TUSC3: variants seen among roughly 807,000 people sequenced by gnomAD.
TUSC3 encodes dolichyl-diphosphooligosaccharide--protein glycosyltransferase subunit TUSC3.
TUSC3 carries 45 observed loss-of-function variants against 44.8 expected under a neutral mutation model. The observed-to-expected ratio is 1.00, with a 90% CI of 0.79 to 1.29. The LOEUF (loss-of-function observed/expected upper bound fraction) is 1.29. Ranked by LOEUF, TUSC3 falls within the 50% of genes most tolerant of loss-of-function variation. The pLI, the probability that TUSC3 is intolerant of heterozygous loss-of-function variation, is 0.00. For synonymous variants in TUSC3, 212 were observed against 152.9 expected, an observed-to-expected ratio of 1.39 and a Z score of -2.85; for missense variants, 519 against 437.9, an observed-to-expected ratio of 1.19 and a Z score of -1.65.
the TUSC3 span, among the ~76,000 whole-genome samples, chr8:15,840,323 A>G: frequency 6.6e-6 from 1 of 152,140 alleles, no homozygotes. Context: ...ACATGTATAC[A>G]TATGTAACAA....
intron 7 of TUSC3, among the ~76,000 whole-genome samples, chr8:15,739,164 C>T (rs533806286): frequency 1.2e-4 from 18 of 152,016 alleles, no homozygotes; most frequent in African/African-American, 4.3e-4. Flanking sequence ...TTGTCAATTT[C>T]ATTTTATATG....
downstream of TUSC3, among the ~76,000 whole-genome samples, chr8:15,767,480 T>A (rs1195896431): frequency 1.3e-5 from 2 of 150,150 alleles, no homozygotes; most frequent in Non-Finnish European, 3.0e-5. Context: ...GAAATTTGTT[T>A]TAAAAAAAAA....
intron 9 of TUSC3, among the ~76,000 whole-genome samples, chr8:15,753,301 TGTCA>T (rs1188294480): frequency 6.6e-6 from 1 of 152,084 alleles, no homozygotes; most frequent in Non-Finnish European, 1.5e-5. Flanking sequence ...TTTTGAGAAC[TGTCA>T]TTTAATCGTT....
chr8:15,460,411 G>C (rs578020878), intron 1 of TUSC3, among the ~76,000 whole-genome samples: 85 of 152,144 alleles, frequency 5.6e-4, no homozygotes, highest in African/African-American at 2.0e-3. Flanking sequence ...GCTGATTTAA[G>C]TTTGTTGTAG....
Position 15,504,646 on chromosome 8 carries a change from T to TG in TUSC3, n.189+21166dup, listed in dbSNP as rs1801028507. On this transcript the variant is annotated intron_variant and non_coding_transcript_variant, in intron 2 of 5. Transcript: ENST00000503191. Reference sequence around the variant, plus strand: ...ATTTTTTTTTTTTTTTTTTTTTAAGTGGGTTTTTTTTTGTGTGTTTTTTTC... The same window carrying TG: ...ATTTTTTTTTTTTTTTTTTTTTAAGTGGGGTTTTTTTTTGTGTGTTTTTTTC... Among the ~76,000 whole-genome samples the TG allele has an allele frequency of 2.5e-5, 2 of 80,818 alleles. 1 individual carries two copies. Among genetic ancestry groups the TG allele is most frequent in the Non-Finnish European group, 6.0e-5 (2 of 33,274 alleles). The allele number at this position is 80,818 out of a possible 152,430, so 53.0% of individuals were successfully genotyped here.
At chr8:15,851,355 T>C in the TUSC3 span, among the ~76,000 whole-genome samples, 3 of 152,208 alleles carry the variant, frequency 2.0e-5, no homozygotes, top group Non-Finnish European at 2.9e-5. Context: ...AAAGGGACAA[T>C]GTACAATAGG....
chr8:15,820,540 G>A, the TUSC3 span, among the ~76,000 whole-genome samples: 3 of 151,966 alleles, frequency 2.0e-5, no homozygotes, highest in Admixed American at 2.0e-4. Context: ...GGATGGTCTC[G>A]ATCTCTTGAC....
At chr8:15,776,701 C>G in the TUSC3 span, among the ~76,000 whole-genome samples, 1 of 152,132 alleles carries the variant, frequency 6.6e-6, no homozygotes, top group Non-Finnish European at 1.5e-5. Context: ...TGGCAGTGAG[C>G]TATATTATCA....
chr8:15,485,823 A>C (rs4831726), intron 2 of TUSC3, among the ~76,000 whole-genome samples: 2 of 150,598 alleles, frequency 1.3e-5, no homozygotes, highest in South Asian at 2.1e-4. Flanking sequence ...GCAGAGTTTC[A>C]CTCTTGTTGC....
intron 2 of TUSC3, among the ~76,000 whole-genome samples, chr8:15,523,706 G>GTATA (rs1554509643): frequency 8.9e-6 from 1 of 112,858 alleles, no homozygotes; most frequent in African/African-American, 4.0e-5. Context: ...GTGTGTGTGT[G>GTATA]TGTATATATA....
In TUSC3 at chr8:15,765,059, A is replaced by G. The variant is rs889643648; in HGVS notation, c.*903A>G. On this transcript the variant is annotated 3_prime_UTR_variant, in exon 11 of 11. Transcript: ENST00000503731. ...TATCCTAGGATTAGTGAATGATTCA[A>G]TGAAGCTTTCTTGAAAACAAACATA... 5.9e-5 allele frequency: 9 copies of G among 152,052 alleles called. No homozygotes were observed. Among genetic ancestry groups the G allele is most frequent in the African/African-American group, 1.4e-4 (6 of 41,444 alleles). The allele number at this position is 152,052 out of a possible 1,614,324, so 9.4% of individuals were successfully genotyped here. A position where few individuals can be genotyped will look rare whatever the true frequency, so the allele number is the denominator to read the frequency against.
At chr8:15,635,178 TA>T (rs1806011006) in intron 2 of TUSC3, among the ~76,000 whole-genome samples, 1 of 152,166 alleles carries the variant, frequency 6.6e-6, no homozygotes, top group South Asian at 2.1e-4. Context: ...GACAGAATCT[TA>T]AATTTTTCAA....
chr8:15,691,461 T>G (rs1808897295), intron 6 of TUSC3, among the ~76,000 whole-genome samples: 1 of 152,180 alleles, frequency 6.6e-6, no homozygotes, highest in African/African-American at 2.4e-5. Context: ...CAAACATAGA[T>G]AGTTTGACTT....
At chr8:15,817,204 C>T in the TUSC3 span, among the ~76,000 whole-genome samples, 1 of 152,016 alleles carries the variant, frequency 6.6e-6, no homozygotes, top group Non-Finnish European at 1.5e-5. Context: ...GAAAGCACAA[C>T]GTAGTGAAAT....
chr8:15,497,886 G>C (rs1800904772), intron 2 of TUSC3, among the ~76,000 whole-genome samples: 1 of 151,770 alleles, frequency 6.6e-6, no homozygotes, highest in Non-Finnish European at 1.5e-5. Context: ...TTGGGATTCT[G>C]TAATCTCTCC....
At chr8:15,540,674 G>T in intron 1 of TUSC3, 106 bp downstream of exon 1, 5 of 1,393,124 alleles carry the variant, frequency 3.6e-6, no homozygotes, top group Non-Finnish European at 4.7e-6. Context: ...TCGCCGGCGT[G>T]GGCGATGCCG....
chr8:15,722,822 C>A (rs1810351981), intron 6 of TUSC3, among the ~76,000 whole-genome samples: 2 of 131,006 alleles, frequency 1.5e-5, no homozygotes, highest in Non-Finnish European at 3.3e-5. Context: ...ATTAAAAAAA[C>A]TGTTTAAATA....
intron 1 of TUSC3, among the ~76,000 whole-genome samples, chr8:15,561,859 C>T (rs1055871051): frequency 5.9e-5 from 9 of 152,126 alleles, no homozygotes; most frequent in Non-Finnish European, 1.3e-4. Context: ...CGCCCTGTTT[C>T]GGCTGGCGCA....
downstream of TUSC3, among the ~76,000 whole-genome samples, chr8:15,770,665 G>T (rs558762508): frequency 6.6e-6 from 1 of 152,220 alleles, no homozygotes; most frequent in East Asian, 1.9e-4. Flanking sequence ...AAGTCATTAG[G>T]CTTGACAGGA....
Sources: allele counts gnomAD v4.1 joint callset (sites outside exome capture counted in the v4.1 genomes callset), GRCh38; gene constraint gnomAD v4.1.1; transcripts MANE v1.5; gene names NCBI Gene and HGNC (gene_info 2026-07-23, HGNC 2026-07-21).